The following NOX4 variants were observed in gnomAD, a reference collection of about 807,000 sequenced individuals.
NOX4 encodes the protein NADPH oxidase 4.
A neutral mutation model predicts 87.6 loss-of-function variants in NOX4; 69 were observed. The observed-to-expected ratio is 0.79, with a 90% CI of 0.65 to 0.96. The LOEUF (loss-of-function observed/expected upper bound fraction) is 0.96. Ranked by LOEUF, NOX4 falls within the 40% of genes least tolerant of loss-of-function variation. The probability of loss-of-function intolerance (pLI) is 0.00; values close to 1 mark genes in which losing one functional copy is unlikely to be tolerated. For synonymous variants in NOX4, 275 were observed against 238.2 expected, an observed-to-expected ratio of 1.15 and a Z score of -1.42; for missense variants, 680 against 681.5, an observed-to-expected ratio of 1.00 and a Z score of 0.02.
intron 6 of NOX4, among the ~76,000 whole-genome samples, chr11:89,436,306 T>G (rs1476649659): frequency 6.6e-6 from 1 of 152,166 alleles, no homozygotes; most frequent in Non-Finnish European, 1.5e-5. Flanking sequence ...TAGCCTTGGT[T>G]GACAGCTCAG....
chr11:89,553,241 G>A, the NOX4 span, among the ~76,000 whole-genome samples: 3 of 152,262 alleles, frequency 2.0e-5, no homozygotes, highest in South Asian at 2.1e-4. Context: ...CAGGGTAGGG[G>A]TTGTCCTGGT....
chr11:89,493,738 T>TATTATC (rs1246324931), upstream of NOX4, among the ~76,000 whole-genome samples: 1 of 145,210 alleles, frequency 6.9e-6, no homozygotes, highest in Non-Finnish European at 1.5e-5. Context: ...TTATTATTAT[T>TATTATC]ATTATTATTA....
chr11:89,410,034 C>A (rs2202151), intron 8 of NOX4, among the ~76,000 whole-genome samples: 63,461 of 151,556 alleles, frequency 0.42, 13,679 homozygotes, highest in East Asian at 0.56. Context: ...CCAGCCTGAG[C>A]AACACAGAAA....
chr11:89,379,562 T>C (rs1292419179), intron 11 of NOX4, among the ~76,000 whole-genome samples: 4 of 152,114 alleles, frequency 2.6e-5, no homozygotes, highest in Non-Finnish European at 5.9e-5. Flanking sequence ...ATTTGCTCAA[T>C]AAATATTTAA....
intron 11 of NOX4, among the ~76,000 whole-genome samples, chr11:89,397,338 T>C (rs1460394509): frequency 6.6e-6 from 1 of 152,170 alleles, no homozygotes; most frequent in Admixed American, 6.6e-5. Context: ...GAGAACTTTA[T>C]AGCACTAAAT....
intron 12 of NOX4, among the ~76,000 whole-genome samples, chr11:89,361,176 A>G (rs1938493259): frequency 6.6e-6 from 1 of 152,132 alleles, no homozygotes; most frequent in African/African-American, 2.4e-5. Context: ...ACAATTCACA[A>G]CAATAAAGAT....
the NOX4 span, among the ~76,000 whole-genome samples, chr11:89,574,291 C>A: frequency 6.6e-6 from 1 of 152,140 alleles, no homozygotes; most frequent in Non-Finnish European, 1.5e-5. Context: ...CAGAGCCACA[C>A]TATTTGGTGA....
chr11:89,385,575 G>C (rs545908908), intron 11 of NOX4, among the ~76,000 whole-genome samples: 1 of 152,150 alleles, frequency 6.6e-6, no homozygotes, highest in Non-Finnish European at 1.5e-5. Context: ...TAGGTTACAA[G>C]CTGGTAGCCT....
intron 2 of NOX4, among the ~76,000 whole-genome samples, chr11:89,466,191 C>T (rs571619592): frequency 6.6e-6 from 1 of 152,220 alleles, no homozygotes; most frequent in East Asian, 1.9e-4. Flanking sequence ...TTTAGTTATA[C>T]CAGCCTGAAC....
At chr11:89,415,152 AAAAC>A (rs1274084942) in intron 8 of NOX4, among the ~76,000 whole-genome samples, 1 of 152,070 alleles carries the variant, frequency 6.6e-6, no homozygotes, top group Non-Finnish European at 1.5e-5. Flanking sequence ...GTGCATATTA[AAAAC>A]AAACAAAAAA....
At chr11:89,433,723 G>A (rs1056115638) in intron 6 of NOX4, among the ~76,000 whole-genome samples, 4 of 151,974 alleles carry the variant, frequency 2.6e-5, no homozygotes, top group African/African-American at 4.8e-5. Flanking sequence ...AAAATATGTT[G>A]AAATCAAGTG....
At chr11:89,382,362 G>T (rs578051548) in intron 11 of NOX4, among the ~76,000 whole-genome samples, 1 of 152,052 alleles carries the variant, frequency 6.6e-6, no homozygotes, top group Admixed American at 6.5e-5. Context: ...ATACAAACTC[G>T]ACAATAGTTC....
rs1393703602 is a variant in NOX4 at position 89,438,536 on chromosome 11, C to T, written c.475+2152G>A. Among the ~76,000 whole-genome samples the T allele has an allele frequency of 6.6e-3, 576 of 86,960 alleles. 26 individuals carry two copies. Among genetic ancestry groups the T allele is most frequent in the African/African-American group, 0.029 (539 of 18,676 alleles). 57.0% of individuals were successfully genotyped at this position (86,960 alleles called of 152,430 possible). On this transcript the variant is annotated intron_variant, in intron 6 of 17. Coordinates refer to ENST00000263317, the MANE Select transcript of NOX4 (RefSeq NM_016931.5). ...TATACTATATATACTATATATTACA[C>T]ACTATATATAATAATATACTATATA... is the stretch of plus-strand genomic sequence containing the variant.
chr11:89,585,946 CAAT>C, the NOX4 span, among the ~76,000 whole-genome samples: 1 of 152,148 alleles, frequency 6.6e-6, no homozygotes, highest in Admixed American at 6.6e-5. Flanking sequence ...CCAAATTCAA[CAAT>C]AATATTTCAC....
At chr11:89,408,828 C>T (rs10765202) in intron 8 of NOX4, among the ~76,000 whole-genome samples, 16,302 of 152,122 alleles carry the variant, frequency 0.11, 1,045 homozygotes, top group South Asian at 0.2. Context: ...TATCTCCAAA[C>T]GCTTAATAAT....
At chr11:89,485,202 G>T (rs1418244181) in intron 2 of NOX4, among the ~76,000 whole-genome samples, 1 of 152,042 alleles carries the variant, frequency 6.6e-6, no homozygotes, top group African/African-American at 2.4e-5. Flanking sequence ...TGTTTCACTA[G>T]AAAGAATCTG....
At chr11:89,409,345 A>C (rs1355277132) in intron 8 of NOX4, among the ~76,000 whole-genome samples, 1 of 152,194 alleles carries the variant, frequency 6.6e-6, no homozygotes, top group African/African-American at 2.4e-5. Context: ...AATTATGTGA[A>C]AAAGTATTTG....
the NOX4 span, among the ~76,000 whole-genome samples, chr11:89,536,182 T>C: frequency 1.4e-5 from 2 of 146,360 alleles, no homozygotes; most frequent in African/African-American, 2.6e-5. Context: ...AGTCTCGCTC[T>C]GTTGCTCAGG....
chr11:89,571,251 A>G, the NOX4 span, among the ~76,000 whole-genome samples: 1 of 151,970 alleles, frequency 6.6e-6, no homozygotes, highest in Admixed American at 6.6e-5. Flanking sequence ...TTTTTGATAA[A>G]CAGTAGTTCT....
Sources: gnomAD v4.1 joint callset for allele counts (sites outside exome capture counted in the v4.1 genomes callset) on GRCh38, gnomAD v4.1.1 for gene constraint, MANE v1.5 for transcripts, NCBI Gene and HGNC (gene_info 2026-07-23, HGNC 2026-07-21) for gene names.